PCDHGA9: variants seen among roughly 807,000 people sequenced by gnomAD.
PCDHGA9 encodes the protein protocadherin gamma subfamily A, 9, also known as protocadherin gamma-A9.
PCDHGA9 carries 37 observed loss-of-function variants against 62.5 expected under a neutral mutation model. That is an observed-to-expected ratio of 0.59 (90% CI 0.46 to 0.78). The LOEUF (loss-of-function observed/expected upper bound fraction) is 0.78, where lower values mean the gene tolerates loss of function less well. Ranked by LOEUF, PCDHGA9 falls within the 30% of genes least tolerant of loss-of-function variation. The pLI is 0.00. For synonymous variants in PCDHGA9, 459 were observed against 484.6 expected (o/e 0.95, Z 0.69); for missense variants, 1,138 against 1,166.2 (o/e 0.98, Z 0.35).
chr5:141,510,083 G>A (rs2099879432), intron 3 of PCDHGA9, among the ~76,000 whole-genome samples: 1 of 152,104 alleles, frequency 6.6e-6, no homozygotes, highest in Non-Finnish European at 1.5e-5. Flanking sequence ...CAGAGTGCCT[G>A]GCACACAGTA....
At chr5:141,450,727 T>G (rs1592137328) in intron 1 of PCDHGA9, among the ~76,000 whole-genome samples, 1 of 152,080 alleles carries the variant, frequency 6.6e-6, no homozygotes, top group Non-Finnish European at 1.5e-5. Flanking sequence ...CCTCAGGTGA[T>G]CCGCCCGCCT....
chr5:141,459,557 A>G (rs1052669136), intron 1 of PCDHGA9, among the ~76,000 whole-genome samples: 1 of 152,224 alleles, frequency 6.6e-6, no homozygotes, highest in East Asian at 1.9e-4. Context: ...TCTTGGATAA[A>G]TACCCCAAAA....
intron 2 of PCDHGA9, among the ~76,000 whole-genome samples, chr5:141,496,353 C>T (rs761547879): frequency 4.6e-5 from 7 of 152,210 alleles, no homozygotes; most frequent in Non-Finnish European, 8.8e-5. Context: ...AGTCTCAGAG[C>T]CCAGGGAGAG....
intron 1 of PCDHGA9, among the ~76,000 whole-genome samples, chr5:141,472,711 C>T (rs1014451209): frequency 4.6e-5 from 7 of 151,904 alleles, no homozygotes; most frequent in Admixed American, 2.0e-4. Context: ...ACAGGCCAGG[C>T]GCTGTGGCTC....
At position 141,422,383 on chromosome 5, in the gene PCDHGA9, T is replaced by C. The variant is rs201301291; in HGVS notation, c.2424+17007T>C. On this transcript the variant is annotated intron_variant, in intron 1 of 3. Transcript: ENST00000573521. ...TGGAGAAAATGGTCAAGTCTCCTGT[T>C]TTATTCCTAACCACCTGCCTTTTAA... 554 of 1,586,008 alleles carry C rather than the reference T, an allele frequency of 3.5e-4. 2 individuals are homozygous for C. The African/African-American group carries it at 6.9e-3, about 20-fold the overall frequency.
chr5:141,446,594 A>G (rs571957656), intron 1 of PCDHGA9, among the ~76,000 whole-genome samples: 8 of 152,136 alleles, frequency 5.3e-5, no homozygotes, highest in African/African-American at 1.9e-4. Flanking sequence ...CTTCTGCCTC[A>G]GCCTCCTGAG....
chr5:141,432,094 C>G lies in PCDHGA9; in HGVS notation c.2424+26718C>G. On this transcript the variant is annotated intron_variant, in intron 1 of 3. Transcript: ENST00000573521. This position sits in a 1 kb window ranked among gnomAD's most constrained non-coding sequence, Gnocchi z 6.0. ...ATATCTCGCTGAACGTGGCAGACAC[C>G]AACGACAACCCGCCGGTCTTCCCTC... The G allele has an allele frequency of 6.2e-7, 1 of 1,614,178 alleles. No homozygotes were observed. The highest frequency in any genetic ancestry group is 8.5e-7 in the Non-Finnish European group (1 of 1,180,046).
chr5:141,412,459 A>C (rs1267719740), intron 1 of PCDHGA9: 1 of 152,232 alleles, frequency 6.6e-6, no homozygotes, highest in Non-Finnish European at 1.5e-5. Flanking sequence ...AAACTATTCT[A>C]GAAGAGTACT....
In PCDHGA9 at chr5:141,490,261, G is replaced by T; in HGVS notation, c.2425-4546G>T. 6.2e-7 allele frequency: 1 copy of T among 1,614,218 alleles called. No individual in the cohort carries two copies. Among genetic ancestry groups the T allele is most frequent in the Non-Finnish European group, 8.5e-7 (1 of 1,180,038 alleles). ...CCACTGTGTGATTCAAGTGGATGTG[G>T]GGGATGTCAATGACAATGCCCCAGA... On this transcript the variant is annotated intron_variant, in intron 1 of 3. Coordinates refer to ENST00000573521, the MANE Select transcript of PCDHGA9 (RefSeq NM_018921.3). The surrounding 1 kb of genome is among the most constrained non-coding windows in gnomAD (Gnocchi z 5.4).
chr5:141,489,314 G>T lies in PCDHGA9; in HGVS notation c.2425-5493G>T. ...TGCATGTTGTCCTTGTGCTGCTGGG[G>T]CTGGGTGTCTGGGCAGCTTCGTTAC... On this transcript the variant is annotated intron_variant, in intron 1 of 3. Transcript: ENST00000573521. This position sits in a 1 kb window ranked among gnomAD's most constrained non-coding sequence, Gnocchi z 4.5. 6.3e-7 allele frequency: 1 copy of T among 1,596,908 alleles called. No individual in the cohort carries two copies. The highest frequency in any genetic ancestry group is 8.5e-7 in the Non-Finnish European group (1 of 1,170,694).
chr5:141,410,415 T>C (rs1589759810), intron 1 of PCDHGA9: 1 of 1,614,066 alleles, frequency 6.2e-7, no homozygotes. Flanking sequence ...TCTGGACCTG[T>C]AGTTCCCCCC....
intron 1 of PCDHGA9, chr5:141,416,827 T>A (rs981344540): frequency 1.2e-4 from 18 of 152,268 alleles, no homozygotes; most frequent in African/African-American, 3.9e-4. Context: ...CCGAAGTTTC[T>A]CAAGACCCTT....
At chr5:141,481,913 C>CAAAAA (rs34114744) in intron 1 of PCDHGA9, among the ~76,000 whole-genome samples, 2 of 90,852 alleles carry the variant, frequency 2.2e-5, no homozygotes, top group Non-Finnish European at 4.4e-5. Flanking sequence ...AACTCCATCT[C>CAAAAA]AAAAAAAAAA....
chr5:141,468,443 G>A (rs760789357), intron 1 of PCDHGA9: 6 of 152,124 alleles, frequency 3.9e-5, no homozygotes, highest in Non-Finnish European at 8.8e-5. Context: ...AAATGTGGGT[G>A]CAAAATTAAA....
At chr5:141,430,313 G>A (rs1018901791) in intron 1 of PCDHGA9, among the ~76,000 whole-genome samples, 1 of 150,204 alleles carries the variant, frequency 6.7e-6, no homozygotes, top group South Asian at 2.1e-4. Context: ...AACATTATAA[G>A]ATTAAAATCA....
intron 1 of PCDHGA9, chr5:141,478,866 C>G: frequency 7.7e-7 from 1 of 1,304,352 alleles, no homozygotes; most frequent in East Asian, 2.5e-5. Context: ...TCTCAGCGAT[C>G]AGAGTTTAGC....
chr5:141,480,074 A>G (rs976924380), intron 1 of PCDHGA9, among the ~76,000 whole-genome samples: 5 of 152,196 alleles, frequency 3.3e-5, no homozygotes, highest in Non-Finnish European at 7.3e-5. Flanking sequence ...TATAAGATTC[A>G]TGCATGATAT....
Position 141,429,458 on chromosome 5 carries a change from T to C in PCDHGA9, c.2424+24082T>C, listed in dbSNP as rs561407449. 1.6e-4 allele frequency among the ~76,000 whole-genome samples: 25 copies of C among 152,210 alleles called. 1 individual carries two copies. The South Asian group carries it at 4.6e-3, about 28-fold the overall frequency. ...TCAAACTCTTGGGCTACAGTAATCC[T>C]CCCACCTCAATCTCCAGAGTAGCTG... On this transcript the variant is annotated intron_variant, in intron 1 of 3. Transcript: ENST00000573521.
intron 3 of PCDHGA9, among the ~76,000 whole-genome samples, chr5:141,506,682 C>A (rs1333272766): frequency 6.6e-6 from 1 of 152,192 alleles, no homozygotes; most frequent in East Asian, 1.9e-4. Context: ...ATATTATTAT[C>A]TTTGCTGACC....
Sources: gnomAD v4.1 joint callset for allele counts (sites outside exome capture counted in the v4.1 genomes callset) on GRCh38, gnomAD v4.1.1 for gene constraint, Gnocchi (gnomAD v3.1) non-coding constraint, MANE v1.5 for transcripts, NCBI Gene and HGNC (gene_info 2026-07-23, HGNC 2026-07-21) for gene names.